The following SHISA6 variants were observed in gnomAD, a reference collection of about 807,000 sequenced individuals.
SHISA6 encodes protein shisa-6.
Under a neutral mutation model 47.9 loss-of-function variants are expected in SHISA6, and 22 were observed. That is an observed-to-expected ratio of 0.46 (90% CI 0.33 to 0.66). The LOEUF (loss-of-function observed/expected upper bound fraction) is 0.66. SHISA6 is among the 30% of genes least tolerant of loss of function. The probability of loss-of-function intolerance (pLI) is 0.02; values close to 1 mark genes in which losing one functional copy is unlikely to be tolerated. For missense variants in SHISA6, 680 were observed against 764.6 expected (o/e 0.89, Z 1.30); for synonymous variants, 388 against 337.8 (o/e 1.15, Z -1.63).
chr17:11,409,884 A>G (rs1914069430), intron 3 of SHISA6, among the ~76,000 whole-genome samples: 1 of 152,194 alleles, frequency 6.6e-6, no homozygotes, highest in Admixed American at 6.5e-5. Context: ...GACCATTGGT[A>G]TGACCTAACA....
intron 2 of SHISA6, among the ~76,000 whole-genome samples, chr17:11,355,884 C>A (rs988409148): frequency 1.3e-5 from 2 of 152,168 alleles, no homozygotes; most frequent in Non-Finnish European, 2.9e-5. Flanking sequence ...GACACCCTGC[C>A]ATTTGCACTT....
chr17:11,288,626 G>A (rs1909410025), intron 2 of SHISA6: 1 of 152,028 alleles, frequency 6.6e-6, no homozygotes. Flanking sequence ...GTCTTTATTT[G>A]CATATATACC....
At chr17:11,527,445 T>C (rs1253715404) in intron 3 of SHISA6, among the ~76,000 whole-genome samples, 1 of 152,210 alleles carries the variant, frequency 6.6e-6, no homozygotes, top group East Asian at 1.9e-4. Context: ...GCTTTCTTAC[T>C]GAGTCTACTG....
At chr17:11,273,741 G>C (rs548634777) in intron 2 of SHISA6, among the ~76,000 whole-genome samples, 1 of 152,162 alleles carries the variant, frequency 6.6e-6, no homozygotes, top group African/African-American at 2.4e-5. Flanking sequence ...GCCCGCAGGC[G>C]CAGGGCTTGT....
At chr17:11,285,911 A>T (rs1269436764) in intron 2 of SHISA6, among the ~76,000 whole-genome samples, 2 of 149,386 alleles carry the variant, frequency 1.3e-5, no homozygotes, top group East Asian at 3.9e-4. Flanking sequence ...ATCTTGGCTC[A>T]CTGCAACGTC....
intron 3 of SHISA6, among the ~76,000 whole-genome samples, chr17:11,475,930 G>A (rs1166289173): frequency 2.6e-5 from 4 of 151,950 alleles, no homozygotes; most frequent in Non-Finnish European, 4.4e-5. Context: ...CTTCAGTTCT[G>A]GAAGGCTATT....
chr17:11,444,073 C>T (rs900917160), intron 3 of SHISA6, among the ~76,000 whole-genome samples: 3 of 152,286 alleles, frequency 2.0e-5, no homozygotes, highest in East Asian at 1.9e-4. Flanking sequence ...AATCCCAACA[C>T]TTTGGGAGGC....
chr17:11,286,517 C>T (rs921911880), intron 2 of SHISA6, among the ~76,000 whole-genome samples: 5 of 152,154 alleles, frequency 3.3e-5, no homozygotes. Context: ...GTTGCACTCC[C>T]ACTCATTCTG....
intron 2 of SHISA6, among the ~76,000 whole-genome samples, chr17:11,301,064 G>C (rs1182160832): frequency 1.3e-5 from 2 of 152,136 alleles, no homozygotes; most frequent in Non-Finnish European, 1.5e-5. Context: ...GTACAGCTGC[G>C]TGGAGTCCCG....
At chr17:11,254,756 G>A (rs1233231173) in intron 1 of SHISA6, among the ~76,000 whole-genome samples, 1 of 152,146 alleles carries the variant, frequency 6.6e-6, no homozygotes, top group Non-Finnish European at 1.5e-5. Context: ...TCTTTTGCAG[G>A]ATGGCAAAAC....
chr17:11,536,627 T>C (rs1364889069), intron 3 of SHISA6, among the ~76,000 whole-genome samples: 3 of 152,138 alleles, frequency 2.0e-5, no homozygotes, highest in Non-Finnish European at 2.9e-5. Context: ...GGGAATATCA[T>C]AGGCCTTATG....
intron 3 of SHISA6, among the ~76,000 whole-genome samples, chr17:11,422,819 G>C (rs1172068603): frequency 6.6e-6 from 1 of 150,662 alleles, no homozygotes; most frequent in Non-Finnish European, 1.5e-5. Context: ...ACTTCACAGA[G>C]ACTTGTCAGT....
chr17:11,409,434 G>A (rs778439332), intron 3 of SHISA6, among the ~76,000 whole-genome samples: 6 of 152,188 alleles, frequency 3.9e-5, no homozygotes, highest in African/African-American at 1.2e-4. Flanking sequence ...AGACAGTGTC[G>A]GGCCAGGAGT....
At chr17:11,491,811 G>A (rs1414382705) in intron 3 of SHISA6, among the ~76,000 whole-genome samples, 9 of 135,452 alleles carry the variant, frequency 6.6e-5, no homozygotes, top group Non-Finnish European at 9.2e-5. Context: ...TCCCTCTGTC[G>A]CCCAGGCTGG....
At chr17:11,455,030 G>A (rs938032501) in intron 3 of SHISA6, among the ~76,000 whole-genome samples, 5 of 152,072 alleles carry the variant, frequency 3.3e-5, no homozygotes, top group Admixed American at 6.6e-5. Flanking sequence ...ATAGCTGGGC[G>A]TGGTGGTGAG....
chr17:11,494,997 C>G (rs970360217), intron 3 of SHISA6, among the ~76,000 whole-genome samples: 1 of 152,062 alleles, frequency 6.6e-6, no homozygotes, highest in Non-Finnish European at 1.5e-5. Flanking sequence ...TGACAATGGC[C>G]GACCAGGCTA....
intron 1 of SHISA6, among the ~76,000 whole-genome samples, chr17:11,250,763 C>T (rs1226059911): frequency 2.6e-5 from 4 of 152,072 alleles, no homozygotes; most frequent in Admixed American, 2.0e-4. Context: ...ACTCTGCTCA[C>T]GTGTCAGGAC....
At chr17:11,438,973 G>C (rs557224149) in intron 3 of SHISA6, among the ~76,000 whole-genome samples, 1 of 152,216 alleles carries the variant, frequency 6.6e-6, no homozygotes, top group Admixed American at 6.5e-5. Flanking sequence ...ATGAAGGGCA[G>C]GGAAAGAGAC....
intron 2 of SHISA6, among the ~76,000 whole-genome samples, chr17:11,300,979 C>A (rs1909905787): frequency 6.7e-6 from 1 of 148,942 alleles, no homozygotes; most frequent in Non-Finnish European, 1.5e-5. Flanking sequence ...AGAAAACAAA[C>A]AGCCTTTAAT....
Sources: allele counts gnomAD v4.1 joint callset (sites outside exome capture counted in the v4.1 genomes callset), GRCh38; gene constraint gnomAD v4.1.1; transcripts MANE v1.5; gene names NCBI Gene and HGNC (gene_info 2026-07-23, HGNC 2026-07-21).